ST8SIA5: variants seen among roughly 807,000 people sequenced by gnomAD.
The protein encoded by ST8SIA5 is ST8 alpha-N-acetyl-neuraminide alpha-2,8-sialyltransferase 5.
A neutral mutation model predicts 40.2 loss-of-function variants in ST8SIA5; 24 were observed. That is an observed-to-expected ratio of 0.60 (90% CI 0.43 to 0.84). The LOEUF (loss-of-function observed/expected upper bound fraction) is 0.84, where lower values mean the gene tolerates loss of function less well. ST8SIA5 is among the 40% of genes least tolerant of loss of function. The pLI is 0.00. For missense variants in ST8SIA5, 465 were observed against 498.5 expected (o/e 0.93, Z 0.64); for synonymous variants, 198 against 201.8 (o/e 0.98, Z 0.16).
At chr18:46,722,093 A>G (rs376255465) in intron 1 of ST8SIA5, among the ~76,000 whole-genome samples, 4 of 152,162 alleles carry the variant, frequency 2.6e-5, no homozygotes, top group South Asian at 2.1e-4. Flanking sequence ...GACAGTGGAC[A>G]TCTTACTTCC....
At chr18:46,725,988 T>A (rs866684218) in intron 1 of ST8SIA5, among the ~76,000 whole-genome samples, 1,096 of 58,528 alleles carry the variant, frequency 0.019, 129 homozygotes, top group African/African-American at 0.058. Context: ...TATATATATA[T>A]ATATATATAT....
chr18:46,716,058 A>G (rs2039785612), intron 1 of ST8SIA5, among the ~76,000 whole-genome samples: 1 of 151,264 alleles, frequency 6.6e-6, no homozygotes, highest in African/African-American at 2.4e-5. Flanking sequence ...AACCCCTCCC[A>G]TGAGTGCTGG....
rs768217776 is a variant in ST8SIA5, at chr18:46,688,839, T to C, written c.392A>G (p.Lys131Arg). 6.2e-7 allele frequency: 1 copy of C among 1,614,066 alleles called. No individual in the cohort carries two copies. The highest frequency in any genetic ancestry group is 8.5e-7 in the Non-Finnish European group (1 of 1,179,986). The change falls in exon 4 of 7, where the codon AAG becomes AGG. Residue 131 changes from lysine to arginine, a missense_variant. Physicochemically the swap from Lys to Arg is conservative, Grantham distance 26. Transcript: ENST00000315087. ...QKNTPLGTKL[K>R]YEVDTSGIYH... ...GATGCCACTGGTGTCCACCTCATAC[T>C]TGAGCTTTGTCCCCAGGGGAGTGTT...
chr18:46,719,282 C>T (rs543460624), intron 1 of ST8SIA5, among the ~76,000 whole-genome samples: 1 of 152,226 alleles, frequency 6.6e-6, no homozygotes, highest in East Asian at 1.9e-4. Context: ...TGCAGGCTCC[C>T]GGCTGATAGG....
intron 2 of ST8SIA5, among the ~76,000 whole-genome samples, chr18:46,696,399 C>G (rs1306936303): frequency 1.3e-5 from 2 of 152,186 alleles, no homozygotes; most frequent in Non-Finnish European, 2.9e-5. Flanking sequence ...GGAAACACAG[C>G]CCTGGCAAAA....
At position 46,673,237 on chromosome 18, in the gene ST8SIA5, A is replaced by G. The variant is rs2039319578; in HGVS notation, c.*6805T>C. 2.0e-5 allele frequency: 3 copies of G among 152,264 alleles called. No homozygotes were observed. Among genetic ancestry groups the G allele is most frequent in the Admixed American group, 6.5e-5 (1 of 15,292 alleles). The allele number at this position is 152,264 out of a possible 1,614,324, so 9.4% of individuals were successfully genotyped here. A position where few individuals can be genotyped will look rare whatever the true frequency, so the allele number is the denominator to read the frequency against. ...AATTCTATGTTATGTGTATTTTACCATAATTACAAATGAAAAAGAAATCTT... is the reference window on the plus strand; with the variant it reads ...AATTCTATGTTATGTGTATTTTACCGTAATTACAAATGAAAAAGAAATCTT... On this transcript the variant is annotated 3_prime_UTR_variant, in exon 7 of 7. Transcript: ENST00000315087.
intron 1 of ST8SIA5, 119 bp from the exon 2 acceptor site, chr18:46,704,783 C>G (rs2039653882): frequency 1.2e-6 from 1 of 828,804 alleles, no homozygotes; most frequent in Non-Finnish European, 2.0e-6. Flanking sequence ...CCAACCAGCC[C>G]CATCCCAGCA....
rs1410081353 is a variant in ST8SIA5, at chr18:46,672,804, G to A, written c.*7238C>T. ...AGGGGCCAAGGTCTCAGGAAGCCAG[G>A]GGCCAACGACCAGCCCAGGACAACT... On this transcript the variant is annotated 3_prime_UTR_variant, in exon 7 of 7. Coordinates refer to ENST00000315087, the MANE Select transcript of ST8SIA5 (RefSeq NM_013305.6). 6.9e-6 allele frequency: 1 copy of A among 144,814 alleles called. No homozygotes were observed. Among genetic ancestry groups the A allele is most frequent in the Non-Finnish European group, 1.6e-5 (1 of 64,058 alleles). 9.0% of individuals were successfully genotyped at this position (144,814 alleles called of 1,614,324 possible).
intron 1 of ST8SIA5, among the ~76,000 whole-genome samples, chr18:46,755,490 T>C (rs1351791331): frequency 6.6e-6 from 1 of 152,098 alleles, no homozygotes; most frequent in Non-Finnish European, 1.5e-5. Flanking sequence ...GGGTGTATCC[T>C]AGAGCAAGAA....
Position 46,756,857 on chromosome 18 carries a change from C to G in ST8SIA5, c.-349G>C. On this transcript the variant is annotated 5_prime_UTR_variant, in exon 1 of 7. Coordinates refer to ENST00000315087, the MANE Select transcript of ST8SIA5 (RefSeq NM_013305.6). Reference sequence around the variant, plus strand: ...GTGCCACGAGCCGGAGGCGGCCCCTCCCGCCGAGGTGGCGGCCAATGGGGA... The same window carrying G: ...GTGCCACGAGCCGGAGGCGGCCCCTGCCGCCGAGGTGGCGGCCAATGGGGA... The G allele has an allele frequency of 3.9e-6, 1 of 256,442 alleles. No homozygotes were observed. The highest frequency in any genetic ancestry group is 1.3e-3 in the Middle Eastern group (1 of 788). The allele number at this position is 256,442 out of a possible 1,614,324, so 15.9% of individuals were successfully genotyped here. A position where few individuals can be genotyped will look rare whatever the true frequency, so the allele number is the denominator to read the frequency against.
At chr18:46,752,525 C>A (rs764475212) in intron 1 of ST8SIA5, among the ~76,000 whole-genome samples, 1 of 152,222 alleles carries the variant, frequency 6.6e-6, no homozygotes, top group Non-Finnish European at 1.5e-5. Flanking sequence ...AGACACTGAG[C>A]CCACTAAGCC....
At position 46,732,756 on chromosome 18, in the gene ST8SIA5, C is replaced by T. The variant is rs137878969; in HGVS notation, c.131+23622G>A. Among the ~76,000 whole-genome samples, 452 of 152,214 alleles carry T rather than the reference C, an allele frequency of 3.0e-3. 1 individual carries two copies. Among genetic ancestry groups the T allele is most frequent in the African/African-American group, 9.7e-3 (403 of 41,516 alleles). On this transcript the variant is annotated intron_variant, in intron 1 of 6. Transcript: ENST00000315087. The stretch of plus-strand genomic sequence containing the variant: ...CCTCCTCCATTCCAGAAAGGTAGCT[C>T]GGTTTTCTTATCTTCAACCCAGGGC...
chr18:46,686,170 T>G lies in ST8SIA5; in HGVS notation c.569+4A>C, dbSNP rs752557177. The G allele has an allele frequency of 1.2e-6, 2 of 1,614,050 alleles. No homozygotes were observed. Among genetic ancestry groups the G allele is most frequent in the African/African-American group, 1.3e-5 (1 of 75,014 alleles). On this transcript the variant is annotated splice_donor_region_variant and intron_variant, in intron 5 of 6. Coordinates refer to ENST00000315087, the MANE Select transcript of ST8SIA5 (RefSeq NM_013305.6). Reference sequence around the variant, plus strand: ...GGCAAGGGCAGTGCCAGGGTTTCTTTTACCGGAAGACGAAGTCGGCGCTGT... The same window carrying G: ...GGCAAGGGCAGTGCCAGGGTTTCTTGTACCGGAAGACGAAGTCGGCGCTGT...
intron 1 of ST8SIA5, among the ~76,000 whole-genome samples, chr18:46,712,988 C>T (rs2039748471): frequency 2.0e-5 from 3 of 152,194 alleles, no homozygotes; most frequent in African/African-American, 7.2e-5. Context: ...CAATCACTTG[C>T]TCTGCAGTAG....
intron 1 of ST8SIA5, among the ~76,000 whole-genome samples, chr18:46,716,908 CA>C (rs1247878414): frequency 2.0e-5 from 3 of 152,206 alleles, no homozygotes; most frequent in Non-Finnish European, 4.4e-5. Context: ...GGAGGGAGGA[CA>C]AGGACCTGGA....
At chr18:46,746,784 A>C (rs917639557) in intron 1 of ST8SIA5, among the ~76,000 whole-genome samples, 1 of 148,378 alleles carries the variant, frequency 6.7e-6, no homozygotes, top group Non-Finnish European at 1.5e-5. Flanking sequence ...AAAAAAAAAC[A>C]AAGCTGGAGA....
chr18:46,702,822 G>A lies in ST8SIA5; in HGVS notation c.224+1750C>T, dbSNP rs77452530. Among the ~76,000 whole-genome samples the A allele has an allele frequency of 1.8e-4, 27 of 152,384 alleles. No homozygotes were observed. The East Asian group carries it at 4.8e-3, about 27-fold the overall frequency. Reference sequence around the variant, plus strand: ...ACAAGGGTGGGCACCACAGTGGTATGTGTTCAGCTCAGGGCTCAGTGAAAC... The same window carrying A: ...ACAAGGGTGGGCACCACAGTGGTATATGTTCAGCTCAGGGCTCAGTGAAAC... On this transcript the variant is annotated intron_variant, in intron 2 of 6. Coordinates refer to ENST00000315087, the MANE Select transcript of ST8SIA5 (RefSeq NM_013305.6).
intron 1 of ST8SIA5, among the ~76,000 whole-genome samples, chr18:46,710,411 C>G (rs868003830): frequency 1.5e-4 from 19 of 128,552 alleles, no homozygotes; most frequent in African/African-American, 4.9e-4. Context: ...TTCTTTCTTT[C>G]TTTCTTTTTC....
At chr18:46,742,109 A>AG (rs2040092332) in intron 1 of ST8SIA5, among the ~76,000 whole-genome samples, 1 of 151,758 alleles carries the variant, frequency 6.6e-6, no homozygotes, top group Non-Finnish European at 1.5e-5. Flanking sequence ...TAAAAAATAA[A>AG]TAAATAAATA....
Sources: gnomAD v4.1 joint callset for allele counts (sites outside exome capture counted in the v4.1 genomes callset) on GRCh38, gnomAD v4.1.1 for gene constraint, MANE v1.5 for transcripts, NCBI Gene and HGNC (gene_info 2026-07-23, HGNC 2026-07-21) for gene names.